The following SEL1L variants were observed in gnomAD, a reference collection of about 807,000 sequenced individuals.
SEL1L encodes the protein protein sel-1 homolog 1.
In SEL1L, 52 loss-of-function variants were observed where a neutral mutation model predicts 109.8. That is an observed-to-expected ratio of 0.47 (90% CI 0.38 to 0.60). The LOEUF (loss-of-function observed/expected upper bound fraction) is 0.60. Among genes scored for constraint, SEL1L ranks in the 20% least tolerant of loss-of-function variants. The pLI is 0.00. For missense variants in SEL1L, 749 were observed against 962.2 expected (o/e 0.78, Z 2.93); for synonymous variants, 373 against 339.6 (o/e 1.10, Z -1.08).
chr14:81,500,679 A>G (rs1243229179), intron 6 of SEL1L, among the ~76,000 whole-genome samples: 2 of 152,212 alleles, frequency 1.3e-5, no homozygotes, highest in Non-Finnish European at 2.9e-5. Flanking sequence ...GTACATCAGC[A>G]TATTTCTCTA....
chr14:81,515,699 A>G (rs1054864516), intron 3 of SEL1L, among the ~76,000 whole-genome samples: 3 of 152,234 alleles, frequency 2.0e-5, no homozygotes, highest in Admixed American at 1.3e-4. Flanking sequence ...AAGAGAACAT[A>G]TTCCCCTGTC....
At chr14:81,487,032 T>C (rs541078423) in intron 16 of SEL1L, among the ~76,000 whole-genome samples, 207 of 151,720 alleles carry the variant, frequency 1.4e-3, no homozygotes, top group African/African-American at 4.9e-3. Flanking sequence ...CTCAAACTCC[T>C]GGGCTCAAGC....
intron 19 of SEL1L, among the ~76,000 whole-genome samples, chr14:81,481,924 G>A (rs533454355): frequency 3.3e-5 from 5 of 151,874 alleles, no homozygotes; most frequent in Admixed American, 1.3e-4. Context: ...CCAGCTACTC[G>A]GGAGGCTGAG....
intron 20 of SEL1L, 87 bp downstream of exon 20, chr14:81,479,525 C>T (rs546562563): frequency 2.2e-6 from 3 of 1,391,588 alleles, no homozygotes; most frequent in East Asian, 2.4e-5. Flanking sequence ...CCACTCTTCC[C>T]TGTGCTTCTC....
chr14:81,508,168 T>C (rs375790192), intron 3 of SEL1L, among the ~76,000 whole-genome samples: 99 of 152,170 alleles, frequency 6.5e-4, no homozygotes, highest in African/African-American at 2.3e-3. Context: ...AAAAGACATA[T>C]CCTACAATAC....
intron 9 of SEL1L, 55 bp downstream of exon 9, chr14:81,498,358 A>C (rs368811663): frequency 1.4e-6 from 2 of 1,390,608 alleles, no homozygotes; most frequent in African/African-American, 2.9e-5. Context: ...GAAATGTTTA[A>C]AGTTAATTCC....
chr14:81,523,614 T>C (rs1207081913), intron 3 of SEL1L, among the ~76,000 whole-genome samples: 3 of 152,146 alleles, frequency 2.0e-5, no homozygotes, highest in Non-Finnish European at 1.5e-5. Flanking sequence ...GGAACCCTGA[T>C]TTATAGCCAG....
At chr14:81,478,169 A>C (rs1050490293) in intron 20 of SEL1L, among the ~76,000 whole-genome samples, 3 of 152,144 alleles carry the variant, frequency 2.0e-5, no homozygotes, top group African/African-American at 7.2e-5. Flanking sequence ...ATTTTATATA[A>C]AATTACATTT....
intron 20 of SEL1L, among the ~76,000 whole-genome samples, chr14:81,478,758 C>T (rs537076950): frequency 6.6e-6 from 1 of 152,190 alleles, no homozygotes; most frequent in Admixed American, 6.5e-5. Context: ...TAGACAAGTC[C>T]ATTTCTTTTC....
chr14:81,518,334 C>G (rs112546287), intron 3 of SEL1L, among the ~76,000 whole-genome samples: 8,907 of 151,542 alleles, frequency 0.059, 884 homozygotes, highest in African/African-American at 0.21. Context: ...CTTAAGACCA[C>G]GTACAAAAAC....
In SEL1L at chr14:81,487,923, T is replaced by C. The variant is rs1903569183; in HGVS notation, c.1415A>G (p.Lys472Arg). 1 of 1,613,886 alleles carries C rather than the reference T, an allele frequency of 6.2e-7. No individual in the cohort carries two copies. Among genetic ancestry groups the C allele is most frequent in the Non-Finnish European group, 8.5e-7 (1 of 1,179,832 alleles). The change falls in exon 15 of 21, where the codon AAG becomes AGG. Residue 472 changes from lysine to arginine, a missense_variant. By Grantham distance (26) the Lys-to-Arg change is conservative (BLOSUM62 2). This residue lies in a region of SEL1L where 383 missense variants were observed against 562.5 expected (regional missense o/e 0.68). Coordinates refer to ENST00000336735, the MANE Select transcript of SEL1L (RefSeq NM_005065.6). ...GVQVNYDLAL[K>R]YFQKAAEQGW... ...TTGTTCAGCAGCTTTCTGGAAATAC[T>C]TAAGGGCTAGATCATAATTCTGTAG...
At chr14:81,480,487 A>C (rs1903318555) in intron 19 of SEL1L, among the ~76,000 whole-genome samples, 1 of 152,048 alleles carries the variant, frequency 6.6e-6, no homozygotes, top group South Asian at 2.1e-4. Flanking sequence ...ACTTTGGGAG[A>C]GCGAGGCAGG....
intron 12 of SEL1L, among the ~76,000 whole-genome samples, chr14:81,491,621 C>T (rs1329397780): frequency 6.6e-6 from 1 of 152,186 alleles, no homozygotes; most frequent in Non-Finnish European, 1.5e-5. Flanking sequence ...TATATTCCAT[C>T]TAAACTTCCT....
intron 3 of SEL1L, among the ~76,000 whole-genome samples, chr14:81,510,520 A>C (rs577853745): frequency 0.01 from 1,387 of 137,580 alleles, 17 homozygotes; most frequent in East Asian, 0.053. Context: ...CTCTCTATAT[A>C]TATATATATA....
At chr14:81,506,925 A>C (rs1029479194) in intron 3 of SEL1L, among the ~76,000 whole-genome samples, 3 of 152,282 alleles carry the variant, frequency 2.0e-5, no homozygotes, top group East Asian at 1.9e-4. Flanking sequence ...CCAGGAAGAG[A>C]GATACTAAGC....
Position 81,489,323 on chromosome 14 carries a change from C to G in SEL1L, c.1333-9G>C, listed in dbSNP as rs1274646553. The G allele has an allele frequency of 8.7e-6, 14 of 1,611,418 alleles. No individual in the cohort carries two copies. Among genetic ancestry groups the G allele is most frequent in the Non-Finnish European group, 1.2e-5 (14 of 1,178,052 alleles). On this transcript the variant is annotated splice_polypyrimidine_tract_variant and intron_variant, in intron 13 of 20. Coordinates refer to ENST00000336735, the MANE Select transcript of SEL1L (RefSeq NM_005065.6). ...TGTCCAACTGGGTTGCCCTGCAAAG[C>G]AGAGAAATCAGACAAAAGAGTGAAA...
chr14:81,491,265 A>G (rs750147505), intron 12 of SEL1L, among the ~76,000 whole-genome samples: 15 of 152,266 alleles, frequency 9.9e-5, no homozygotes, highest in Non-Finnish European at 1.8e-4. Context: ...TAAAAGGTTT[A>G]CTTGAAGAGG....
Position 81,487,472 on chromosome 14 carries a change from C to T in SEL1L, c.1550G>A (p.Gly517Asp). ...TAGGTTATAGAAAGCCAAGATATGG[C>T]CTCCCTGAGAAGCTAAATTAAAATA... ...LKYFNLASQG[G>D]HILAFYNLAQ... Residue 517 changes from glycine (G) to aspartate (D), a missense_variant, in exon 16 of 21, where the codon GGC (glycine) becomes GAC (aspartate). Around this residue, in one of 2 missense-constraint regions of SEL1L, gnomAD observed 383 missense variants for 562.5 expected, o/e 0.68. Transcript: ENST00000336735. 1 of 1,609,752 alleles carries T rather than the reference C, an allele frequency of 6.2e-7. No homozygotes were observed.
chr14:81,515,706 T>G (rs183757306), intron 3 of SEL1L, among the ~76,000 whole-genome samples: 6 of 152,312 alleles, frequency 3.9e-5, no homozygotes, highest in South Asian at 2.1e-4. Flanking sequence ...CATATTCCCC[T>G]GTCACCTGAC....
Sources: gnomAD v4.1 joint callset for allele counts (sites outside exome capture counted in the v4.1 genomes callset) on GRCh38, gnomAD v4.1.1 for gene constraint, gnomAD v4.1.1 regional missense constraint, MANE v1.5 for transcripts, NCBI Gene and HGNC (gene_info 2026-07-23, HGNC 2026-07-21) for gene names.